CRTC1: variants seen among roughly 807,000 people sequenced by gnomAD.
CRTC1 encodes the protein CREB-regulated transcription coactivator 1.
CRTC1 carries 18 observed loss-of-function variants against 66.1 expected under a neutral mutation model. That is an observed-to-expected ratio of 0.27 (90% CI 0.19 to 0.40). The LOEUF (loss-of-function observed/expected upper bound fraction) is 0.40. Among genes scored for constraint, CRTC1 ranks in the 10% least tolerant of loss-of-function variants. The pLI, the probability that CRTC1 is intolerant of heterozygous loss-of-function variation, is 1.00. For missense variants in CRTC1, 669 were observed against 887.9 expected (o/e 0.75, Z 3.13); for synonymous variants, 416 against 398.8 (o/e 1.04, Z -0.51).
In CRTC1 at chr19:18,765,422, C is replaced by T. The variant is rs1428020123; in HGVS notation, c.905C>T (p.Ser302Phe). 8 of 1,612,952 alleles carry T rather than the reference C, an allele frequency of 5.0e-6. 1 individual carries two copies. Among genetic ancestry groups the T allele is most frequent in the South Asian group, 2.2e-5 (2 of 90,898 alleles). ...TCTCTAGGAATGAGCACACCTGGCT[C>T]CTCTCCACAGCACCGCCCAGCTGGC... Reference protein sequence around the residue: ...GAGQGMSTPGSSPQHRPAGVS... With the variant: ...GAGQGMSTPGFSPQHRPAGVS... The change falls in exon 9 of 14, where the codon TCC (serine) becomes TTC (phenylalanine). Residue 302 changes from serine (S) to phenylalanine (F), a missense_variant. By Grantham distance (155) the Ser-to-Phe change is radical. Coordinates refer to ENST00000321949, the MANE Select transcript of CRTC1 (RefSeq NM_015321.3).
intron 1 of CRTC1, among the ~76,000 whole-genome samples, chr19:18,706,182 C>CTTTTGTTTTTTTT (rs2053260107): frequency 5.4e-5 from 1 of 18,676 alleles, no homozygotes; most frequent in Non-Finnish European, 1.1e-4. Flanking sequence ...TTCCATTGGT[C>CTTTTGTTTTTTTT]TTTTTTTTTT....
At position 18,777,021 on chromosome 19, in the gene CRTC1, TCCC is replaced by T; in HGVS notation, c.1694-147_1694-145del. 1 of 614,862 alleles carries T rather than the reference TCCC, an allele frequency of 1.6e-6. No homozygotes were observed. The highest frequency in any genetic ancestry group is 2.9e-6 in the Non-Finnish European group (1 of 343,514). 38.1% of individuals were successfully genotyped at this position (614,862 alleles called of 1,614,324 possible). ...GAGCAGCATCTCATGTGCTGGCCCCTCCCCCAGTCATGACAGCTGGAATGTCCC... is the reference window on the plus strand; with the variant it reads ...GAGCAGCATCTCATGTGCTGGCCCCTCCAGTCATGACAGCTGGAATGTCCC... On this transcript the variant is annotated intron_variant, in intron 13 of 13. Transcript: ENST00000321949. The surrounding 1 kb of genome is among the most constrained non-coding windows in gnomAD (Gnocchi z 5.5).
At chr19:18,767,324 A>G (rs2054759243) in intron 9 of CRTC1, among the ~76,000 whole-genome samples, 1 of 151,966 alleles carries the variant, frequency 6.6e-6, no homozygotes, top group Non-Finnish European at 1.5e-5. Context: ...TAGCCTCCCA[A>G]GTAGCTGGGA....
intron 1 of CRTC1, among the ~76,000 whole-genome samples, chr19:18,742,062 C>T (rs1274312668): frequency 6.6e-6 from 1 of 152,174 alleles, no homozygotes; most frequent in Non-Finnish European, 1.5e-5. Flanking sequence ...GGCTGCCTCC[C>T]CCAGTTGCAT....
chr19:18,733,308 G>C (rs967505326), intron 1 of CRTC1, among the ~76,000 whole-genome samples: 5 of 152,098 alleles, frequency 3.3e-5, no homozygotes, highest in Admixed American at 2.6e-4. Context: ...GGGGAGGGAG[G>C]CCCCTGTGAG....
At chr19:18,749,900 T>A in intron 5 of CRTC1, 25 bp downstream of exon 5, 1 of 1,593,714 alleles carries the variant, frequency 6.3e-7, no homozygotes. Context: ...CTCGGGTGTC[T>A]CTGCTGGGGT....
rs572414585 is a variant in CRTC1 at position 18,778,775 on chromosome 19, C to G, written c.*1393C>G. 160 of 231,108 alleles carry G rather than the reference C, an allele frequency of 6.9e-4. 1 individual carries two copies. Among genetic ancestry groups the G allele is most frequent in the African/African-American group, 3.2e-3 (147 of 45,320 alleles). 14.3% of individuals were successfully genotyped at this position (231,108 alleles called of 1,614,324 possible). ...TGGCAGGGAGCGAGGGTCCCCGAGA[C>G]GAGGACCACGGTCCTCCCTGAGAAC... On this transcript the variant is annotated 3_prime_UTR_variant, in exon 14 of 14. Coordinates refer to ENST00000321949, the MANE Select transcript of CRTC1 (RefSeq NM_015321.3).
At position 18,771,713 on chromosome 19, in the gene CRTC1, G is replaced by T. The variant is rs566880092; in HGVS notation, c.1425+167G>T. Among the ~76,000 whole-genome samples, 6 of 152,188 alleles carry T rather than the reference G, an allele frequency of 3.9e-5. No individual in the cohort carries two copies. Among genetic ancestry groups the T allele is most frequent in the Non-Finnish European group, 7.4e-5 (5 of 68,012 alleles). ...ACCTGAGCTGTGCACCTACCAGGCT[G>T]CACCAGGGCAGGAACCCCACAGGGT... On this transcript the variant is annotated intron_variant, in intron 11 of 13. Coordinates refer to ENST00000321949, the MANE Select transcript of CRTC1 (RefSeq NM_015321.3). The surrounding 1 kb of genome is among the most constrained non-coding windows in gnomAD (Gnocchi z 4.6).
intron 1 of CRTC1, among the ~76,000 whole-genome samples, chr19:18,729,560 C>T (rs966625611): frequency 6.6e-6 from 1 of 151,798 alleles, no homozygotes; most frequent in Non-Finnish European, 1.5e-5. Context: ...GCCTGGGCAA[C>T]ATAGGGAGAC....
chr19:18,776,694 C>T (rs1247753828), intron 13 of CRTC1, among the ~76,000 whole-genome samples: 1 of 152,230 alleles, frequency 6.6e-6, no homozygotes, highest in Admixed American at 6.5e-5. Flanking sequence ...TTTCTCAGAC[C>T]TGGAACCTGA....
In CRTC1 at chr19:18,722,534, A is replaced by G. The variant is rs536471646; in HGVS notation, c.127-20376A>G. On this transcript the variant is annotated intron_variant, in intron 1 of 13. Transcript: ENST00000321949. ...GACACAGGCACACAGCGAGAAGGCCACGTGATGAAGGAGGCAGAGACCAGA... is the reference window on the plus strand; with the variant it reads ...GACACAGGCACACAGCGAGAAGGCCGCGTGATGAAGGAGGCAGAGACCAGA... 1.1e-4 allele frequency among the ~76,000 whole-genome samples: 17 copies of G among 152,364 alleles called. 1 individual carries two copies. Among genetic ancestry groups the G allele is most frequent in the African/African-American group, 4.1e-4 (17 of 41,588 alleles).
At chr19:18,729,342 C>T (rs989424641) in intron 1 of CRTC1, among the ~76,000 whole-genome samples, 8 of 150,512 alleles carry the variant, frequency 5.3e-5, no homozygotes, top group African/African-American at 1.7e-4. Flanking sequence ...GGGAGAATGG[C>T]GTGAACCCGA....
chr19:18,732,265 G>A (rs1405635673), intron 1 of CRTC1, among the ~76,000 whole-genome samples: 1 of 152,230 alleles, frequency 6.6e-6, no homozygotes, highest in African/African-American at 2.4e-5. Context: ...GTTAAATCAA[G>A]CCATAAAGGG....
chr19:18,762,850 C>G (rs1381377578), intron 8 of CRTC1, among the ~76,000 whole-genome samples: 1 of 152,250 alleles, frequency 6.6e-6, no homozygotes, highest in African/African-American at 2.4e-5. Flanking sequence ...TTAAAAACTC[C>G]CTTGTATTCA....
At chr19:18,756,916 C>T (rs758225613) in intron 6 of CRTC1, among the ~76,000 whole-genome samples, 25 of 152,078 alleles carry the variant, frequency 1.6e-4, no homozygotes, top group Non-Finnish European at 2.6e-4. Flanking sequence ...GGTAATGAAG[C>T]GAATGTTTAC....
intron 1 of CRTC1, among the ~76,000 whole-genome samples, chr19:18,707,350 G>T (rs1337604537): frequency 6.6e-6 from 1 of 152,140 alleles, no homozygotes; most frequent in Non-Finnish European, 1.5e-5. Flanking sequence ...CCGTTTTGTT[G>T]AAAAGACTGT....
At chr19:18,747,896 G>T (rs900618112) in intron 4 of CRTC1, among the ~76,000 whole-genome samples, 6 of 152,124 alleles carry the variant, frequency 3.9e-5, no homozygotes, top group Non-Finnish European at 5.9e-5. Context: ...GAACAACATA[G>T]AAAGATCCCA....
intron 1 of CRTC1, among the ~76,000 whole-genome samples, chr19:18,686,474 C>T (rs558403132): frequency 1.3e-5 from 2 of 152,106 alleles, no homozygotes; most frequent in Admixed American, 1.3e-4. Flanking sequence ...ATGGTGAAAC[C>T]CGTCTCCACT....
At chr19:18,714,055 G>A (rs2053450657) in intron 1 of CRTC1, among the ~76,000 whole-genome samples, 4 of 152,156 alleles carry the variant, frequency 2.6e-5, no homozygotes, top group Admixed American at 2.6e-4. Flanking sequence ...AGGGTGGGAG[G>A]GCACACCAGG....
Sources: gnomAD v4.1 joint callset for allele counts (sites outside exome capture counted in the v4.1 genomes callset) on GRCh38, gnomAD v4.1.1 for gene constraint, Gnocchi (gnomAD v3.1) non-coding constraint, MANE v1.5 for transcripts, NCBI Gene and HGNC (gene_info 2026-07-23, HGNC 2026-07-21) for gene names.